Variants in GAS7 observed in about 807,000 individuals in gnomAD.
GAS7 encodes growth arrest specific 7, also known as growth arrest-specific protein 7.
GAS7 carries 28 observed loss-of-function variants against 71.1 expected under a neutral mutation model. The ratio of observed to expected loss-of-function variants is 0.39; its 90% CI spans 0.29 to 0.54. The LOEUF (loss-of-function observed/expected upper bound fraction) is 0.54. GAS7 is among the 20% of genes least tolerant of loss of function. GAS7 has a pLI of 0.62. For synonymous variants in GAS7, 258 were observed against 245.8 expected (o/e 1.05, Z -0.46); for missense variants, 436 against 627.8 (o/e 0.69, Z 3.27).
Position 9,975,773 on chromosome 17 carries a change from G to A in GAS7, c.386-6011C>T, listed in dbSNP as rs141305687. 2.0e-4 allele frequency among the ~76,000 whole-genome samples: 30 copies of A among 152,282 alleles called. No individual in the cohort carries two copies. The East Asian group carries it at 5.4e-3, about 27-fold the overall frequency. On this transcript the variant is annotated intron_variant, in intron 3 of 13. Transcript: ENST00000432992. ...GGCCTTTTAGAATATGCTGACATGC[G>A]CTTGAAATCTCAAACAAGGCAACAG...
rs111386899 is a variant in GAS7 at position 10,055,978 on chromosome 17, G to A, written c.184-36081C>T. ...CATGATACTTTCTTTGACCCGCCAG[G>A]TAGAAGTGAATTATCCCCAATTCTG... On this transcript the variant is annotated intron_variant, in intron 1 of 13. Coordinates refer to ENST00000432992, the MANE Select transcript of GAS7 (RefSeq NM_201433.2). 5.7e-3 allele frequency among the ~76,000 whole-genome samples: 874 copies of A among 152,246 alleles called. 8 individuals are homozygous for A. The highest frequency in any genetic ancestry group is 6.8e-3 in the Non-Finnish European group (461 of 68,016).
chr17:10,006,345 T>G (rs918145833), intron 2 of GAS7, among the ~76,000 whole-genome samples: 1 of 114,712 alleles, frequency 8.7e-6, no homozygotes, highest in African/African-American at 4.8e-5. Context: ...TTTTTTTTTT[T>G]TTGAGACAGA....
At chr17:10,102,153 C>A (rs181022956) in intron 1 of GAS7, among the ~76,000 whole-genome samples, 18 of 123,086 alleles carry the variant, frequency 1.5e-4, no homozygotes, top group Admixed American at 1.0e-3. Context: ...GTTTTGAAAA[C>A]GCACTGAAAG....
chr17:10,018,878 T>C (rs925210903), intron 2 of GAS7, among the ~76,000 whole-genome samples: 7 of 152,202 alleles, frequency 4.6e-5, no homozygotes, highest in African/African-American at 1.7e-4. Context: ...TCTTTTGCCT[T>C]GGAACGCATG....
intron 4 of GAS7, among the ~76,000 whole-genome samples, chr17:9,968,529 A>C (rs1171047662): frequency 6.6e-6 from 1 of 152,240 alleles, no homozygotes; most frequent in African/African-American, 2.4e-5. Context: ...CCCAACACTC[A>C]GCATCCTAAC....
intron 1 of GAS7, among the ~76,000 whole-genome samples, chr17:10,172,539 AAAAG>A (rs895182623): frequency 3.9e-5 from 6 of 152,272 alleles, no homozygotes; most frequent in Non-Finnish European, 7.3e-5. Flanking sequence ...AGAAGAAAAA[AAAAG>A]AAACAGAAAG....
At chr17:10,131,507 A>G (rs2073996920) in intron 1 of GAS7, among the ~76,000 whole-genome samples, 1 of 152,202 alleles carries the variant, frequency 6.6e-6, no homozygotes, top group South Asian at 2.1e-4. Flanking sequence ...CTGTAATCCC[A>G]GCTACTTGGG....
chr17:10,178,910 CACCT>C (rs2074393913), intron 1 of GAS7, among the ~76,000 whole-genome samples: 1 of 151,832 alleles, frequency 6.6e-6, no homozygotes, highest in African/African-American at 2.4e-5. Flanking sequence ...CTACAACCAC[CACCT>C]TGGAGGATCC....
chr17:9,992,045 T>G (rs1371769757), intron 2 of GAS7, among the ~76,000 whole-genome samples: 2 of 152,120 alleles, frequency 1.3e-5, no homozygotes, highest in Non-Finnish European at 2.9e-5. Context: ...TCTGGTTGAG[T>G]AGGCTGGGAG....
At chr17:10,006,885 C>G (rs888373389) in intron 2 of GAS7, among the ~76,000 whole-genome samples, 1 of 152,182 alleles carries the variant, frequency 6.6e-6, no homozygotes, top group Non-Finnish European at 1.5e-5. Context: ...CAGTTTTATA[C>G]TCATTCTAAG....
intron 9 of GAS7, among the ~76,000 whole-genome samples, chr17:9,930,505 C>G (rs1046725597): frequency 3.3e-4 from 51 of 152,346 alleles, no homozygotes; most frequent in African/African-American, 1.2e-3. Context: ...TTTCTATCAG[C>G]AGAAGGAATT....
intron 2 of GAS7, among the ~76,000 whole-genome samples, chr17:9,983,701 C>T (rs180684258): frequency 3.8e-4 from 57 of 151,548 alleles, no homozygotes; most frequent in Non-Finnish European, 6.9e-4. Flanking sequence ...GCACGAGAAT[C>T]GCTTGGTCCT....
chr17:10,097,088 C>T (rs889613356), intron 1 of GAS7, among the ~76,000 whole-genome samples: 6 of 152,254 alleles, frequency 3.9e-5, no homozygotes, highest in South Asian at 2.1e-4. Context: ...CCTTTGCCCA[C>T]GCCGATCTCT....
chr17:10,134,627 A>G (rs532379735), intron 1 of GAS7, among the ~76,000 whole-genome samples: 2 of 152,136 alleles, frequency 1.3e-5, no homozygotes, highest in Admixed American at 1.3e-4. Flanking sequence ...GTGAGCCCCA[A>G]AGTGGGGCCT....
chr17:10,123,406 A>T (rs971211683), intron 1 of GAS7, among the ~76,000 whole-genome samples: 2 of 152,132 alleles, frequency 1.3e-5, no homozygotes, highest in Non-Finnish European at 2.9e-5. Context: ...CTACCCTAGA[A>T]TCTGAAGGCT....
intron 9 of GAS7, among the ~76,000 whole-genome samples, chr17:9,929,371 A>C (rs1298175384): frequency 6.6e-6 from 1 of 152,206 alleles, no homozygotes; most frequent in Non-Finnish European, 1.5e-5. Context: ...CCAAATTCAA[A>C]TGACATTCTG....
At chr17:10,163,117 T>C (rs1597828880) in intron 1 of GAS7, among the ~76,000 whole-genome samples, 1 of 152,132 alleles carries the variant, frequency 6.6e-6, no homozygotes, top group Non-Finnish European at 1.5e-5. Flanking sequence ...AAAAAAATTA[T>C]TTTTCTTTGT....
At chr17:9,944,705 A>G (rs1481949070) in intron 6 of GAS7, among the ~76,000 whole-genome samples, 1 of 152,160 alleles carries the variant, frequency 6.6e-6, no homozygotes, top group Non-Finnish European at 1.5e-5. Flanking sequence ...TCACCATCCT[A>G]CGGGGTCACA....
At chr17:10,016,201 C>T (rs933175291) in intron 2 of GAS7, among the ~76,000 whole-genome samples, 30 of 151,778 alleles carry the variant, frequency 2.0e-4, no homozygotes, top group Non-Finnish European at 3.4e-4. Flanking sequence ...CTGGCTAACA[C>T]GGTGAAACCC....
Sources: allele counts gnomAD v4.1 joint callset (sites outside exome capture counted in the v4.1 genomes callset), GRCh38; gene constraint gnomAD v4.1.1; transcripts MANE v1.5; gene names NCBI Gene and HGNC (gene_info 2026-07-23, HGNC 2026-07-21).